The following XKRX variants were observed in gnomAD, a reference collection of about 807,000 sequenced individuals.
XKRX encodes XK related X-linked.
In XKRX, 11 loss-of-function variants were observed where a neutral mutation model predicts 22.4. The observed-to-expected ratio is 0.49, with a 90% CI of 0.31 to 0.81. The LOEUF is 0.81. Among genes scored for constraint, XKRX ranks in the 40% least tolerant of loss-of-function variants. The pLI is 0.05. For synonymous variants in XKRX, 114 were observed against 132.2 expected (o/e 0.86, Z 0.94); for missense variants, 320 against 336.5 (o/e 0.95, Z 0.38).
upstream of XKRX, among the ~76,000 whole-genome samples, chrX:100,931,844 C>G (rs1278247010): frequency 9.0e-6 from 1 of 111,128 alleles, no homozygotes; most frequent in Non-Finnish European, 1.9e-5. Flanking sequence ...ACTCCTCTGG[C>G]TGAATGAGCA....
At chrX:100,890,350 G>C in the XKRX span, among the ~76,000 whole-genome samples, 1 of 110,598 alleles carries the variant, frequency 9.0e-6, no homozygotes, top group African/African-American at 3.3e-5. Context: ...ACAGTTATTA[G>C]CAATCAGGGA....
chrX:100,924,994 G>A (rs1228152056), intron 1 of XKRX, among the ~76,000 whole-genome samples: 3 of 111,528 alleles, frequency 2.7e-5, no homozygotes, highest in Non-Finnish European at 5.6e-5. Context: ...ACCTTCTAGG[G>A]ACAAACTCTA....
chrX:100,947,584 C>G, the XKRX span, among the ~76,000 whole-genome samples: 1 of 112,179 alleles, frequency 8.9e-6, no homozygotes, highest in Non-Finnish European at 1.9e-5. Flanking sequence ...TTTCCAATCT[C>G]ATTTGTACAT....
the XKRX span, chrX:100,888,511 G>A: frequency 4.0e-5 from 30 of 757,419 alleles, no homozygotes; most frequent in East Asian, 6.5e-5. Context: ...TCAGGCTCTC[G>A]TCGGTTGTTT....
At chrX:100,903,397 C>T in the XKRX span, among the ~76,000 whole-genome samples, 162 of 112,134 alleles carry the variant, frequency 1.4e-3, 1 homozygote, top group African/African-American at 5.0e-3. Flanking sequence ...TTGCAGGATA[C>T]AAAATTAATA....
the XKRX span, among the ~76,000 whole-genome samples, chrX:100,953,444 T>C: frequency 9.0e-6 from 1 of 111,256 alleles, no homozygotes; most frequent in African/African-American, 3.3e-5. Context: ...GTTTCTTAGA[T>C]ATGAGACCAA....
the XKRX span, among the ~76,000 whole-genome samples, chrX:100,905,734 G>T: frequency 8.9e-6 from 1 of 111,992 alleles, no homozygotes; most frequent in East Asian, 2.8e-4. Context: ...ATGTATCAAA[G>T]ATTTATTTAA....
the XKRX span, among the ~76,000 whole-genome samples, chrX:100,942,476 G>A: frequency 8.9e-6 from 1 of 111,810 alleles, no homozygotes; most frequent in Non-Finnish European, 1.9e-5. Context: ...GAATTTAAAG[G>A]CAATTATTAG....
chrX:100,928,015 G>T lies in XKRX; in HGVS notation c.290C>A (p.Pro97Gln), dbSNP rs2085505304. The T allele has an allele frequency of 8.3e-7, 1 of 1,208,249 alleles. No individual in the cohort carries two copies. Among genetic ancestry groups the T allele is most frequent in the Non-Finnish European group, 1.1e-6 (1 of 894,272 alleles). ...GATTAGATGCATAAATAATGATAGC[G>T]GTTTATCTTTGGCTAGATCTCTGTG... ...FVHRDLAKDK[P>Q]LSLFMHLILL... The change falls in exon 1 of 3, where the codon CCG becomes CAG. Residue 97 changes from proline (P) to glutamine (Q), a missense_variant. By Grantham distance (76) the Pro-to-Gln change is moderately conservative. Transcript: ENST00000372956.
At chrX:100,901,386 G>A in the XKRX span, among the ~76,000 whole-genome samples, 1 of 111,331 alleles carries the variant, frequency 9.0e-6, no homozygotes, top group African/African-American at 3.3e-5. Context: ...AAAAGTCTTT[G>A]AACAAAAGAG....
chrX:100,887,807 C>G, the XKRX span: 1 of 1,045,987 alleles, frequency 9.6e-7, no homozygotes, highest in African/African-American at 1.8e-5. Flanking sequence ...TTGTAATTGC[C>G]AAAATCATTG....
At chrX:100,924,012 T>TG (rs1468324339) in intron 1 of XKRX, among the ~76,000 whole-genome samples, 48 of 102,003 alleles carry the variant, frequency 4.7e-4, no homozygotes, top group Non-Finnish European at 7.4e-4. Flanking sequence ...AAGGTTTTTT[T>TG]TTTTTTTTTT....
chrX:100,895,848 T>C, the XKRX span, among the ~76,000 whole-genome samples: 1 of 111,753 alleles, frequency 8.9e-6, no homozygotes, highest in East Asian at 2.8e-4. Context: ...TCATTAGCAA[T>C]CAGGCTGTCA....
chrX:100,957,183 G>T, the XKRX span: 3 of 1,063,349 alleles, frequency 2.8e-6, no homozygotes, highest in Non-Finnish European at 3.9e-6. Flanking sequence ...AAAGGATTCT[G>T]GCTTTTGGAG....
At chrX:100,928,947 C>T, upstream of XKRX, 1 of 557,945 alleles carries the variant, frequency 1.8e-6, no homozygotes, top group East Asian at 1.7e-4. Context: ...GATAGCTCCT[C>T]GGATTCCCCC....
the XKRX span, among the ~76,000 whole-genome samples, chrX:100,957,716 T>A: frequency 8.9e-6 from 1 of 112,747 alleles, no homozygotes; most frequent in East Asian, 2.8e-4. Context: ...CAACACAAAG[T>A]CTCTGTTTTG....
At position 100,928,185 on chromosome X, in the gene XKRX, G is replaced by A; in HGVS notation, c.120C>T (p.Ser40=). ...RFTFPFSILF[S]TFLYCGEAAS... ...CAGCCTCCCCACAGTACAAAAAGGT[G>A]GAGAAAAGGATGCTAAATGGAAAAG... The change falls in exon 1 of 3, where the codon TCC becomes TCT. Residue 40 remains serine (S), a synonymous_variant. Coordinates refer to ENST00000372956, the MANE Select transcript of XKRX (RefSeq NM_212559.3). The A allele has an allele frequency of 8.3e-7, 1 of 1,211,829 alleles. No individual in the cohort carries two copies. The highest frequency in any genetic ancestry group is 1.1e-6 in the Non-Finnish European group (1 of 895,515).
chrX:100,922,988 T>C lies in XKRX; in HGVS notation c.409A>G (p.Thr137Ala), dbSNP rs763383503. The C allele has an allele frequency of 1.7e-6, 2 of 1,211,607 alleles. No homozygotes were observed. The highest frequency in any genetic ancestry group is 1.1e-6 in the Non-Finnish European group (1 of 895,419). ...EEQEEPYVSL[T>A]RKKMLIDGEE... is the part of the protein sequence containing the mutation. ...CCATCTATTAGCATCTTCTTTCGGG[T>C]GAGGCTGACATAGGGCTCCTCCTGC... Residue 137 changes from threonine (T) to alanine (A), a missense_variant, in exon 2 of 3, where the codon ACC becomes GCC. Thr to Ala is a moderately conservative substitution (Grantham distance 58). Transcript: ENST00000372956.
chrX:100,896,862 T>C, the XKRX span, among the ~76,000 whole-genome samples: 2 of 111,313 alleles, frequency 1.8e-5, no homozygotes, highest in Non-Finnish European at 3.8e-5. Flanking sequence ...TTAATAATAT[T>C]AACTCAAAGG....
Sources: allele counts gnomAD v4.1 joint callset (sites outside exome capture counted in the v4.1 genomes callset), GRCh38; gene constraint gnomAD v4.1.1; transcripts MANE v1.5; gene names NCBI Gene and HGNC (gene_info 2026-07-23, HGNC 2026-07-21).